CDH23: variants seen among roughly 807,000 people sequenced by gnomAD.
CDH23 encodes cadherin related 23.
In CDH23, 189 loss-of-function variants were observed where a neutral mutation model predicts 317.1. The observed-to-expected ratio is 0.60, with a 90% CI of 0.53 to 0.67. CDH23 has a LOEUF of 0.67. Ranked by LOEUF, CDH23 falls within the 30% of genes least tolerant of loss-of-function variation. The probability of loss-of-function intolerance (pLI) is 0.00; values close to 1 mark genes in which losing one functional copy is unlikely to be tolerated. For synonymous variants in CDH23, 1,839 were observed against 1,876.8 expected (o/e 0.98, Z 0.52); for missense variants, 4,401 against 4,592.4 (o/e 0.96, Z 1.20).
chr10:71,695,583 C>A (rs1383258834), intron 22 of CDH23, 58 bp downstream of exon 22: 2 of 1,226,370 alleles, frequency 1.6e-6, no homozygotes, highest in Non-Finnish European at 2.4e-6. Flanking sequence ...GTCTGTGCCC[C>A]TCCCACTGCG....
rs1400442793 is a variant in CDH23, at chr10:71,777,908, A to C, written c.5067+7A>C. On this transcript the variant is annotated splice_region_variant and intron_variant, in intron 39 of 69. Transcript: ENST00000224721. The stretch of plus-strand genomic sequence containing the variant: ...CCGCATCGACAGACACATGGTCAGC[A>C]GCTGATGGCAGGATCAAGACAAGGG... 1 of 1,613,704 alleles carries C rather than the reference A, an allele frequency of 6.2e-7. No homozygotes were observed. The highest frequency in any genetic ancestry group is 2.2e-5 in the East Asian group (1 of 44,874).
intron 3 of CDH23, among the ~76,000 whole-genome samples, chr10:71,458,588 C>A (rs1850813517): frequency 6.6e-6 from 1 of 152,196 alleles, no homozygotes; most frequent in Admixed American, 6.5e-5. Context: ...TTAAATGCTT[C>A]CTCTTCCAAG....
chr10:71,729,218 G>A (rs1866951163), intron 30 of CDH23, among the ~76,000 whole-genome samples: 1 of 152,226 alleles, frequency 6.6e-6, no homozygotes, highest in African/African-American at 2.4e-5. Flanking sequence ...GGTAAGCGGT[G>A]AGGAAAATGG....
rs550723107 is a variant in CDH23 at position 71,570,670 on chromosome 10, G to A, written c.625-120G>A. The A allele has an allele frequency of 3.4e-5, 37 of 1,086,786 alleles. No homozygotes were observed. In the Middle Eastern group the frequency reaches 7.4e-4, roughly 22 times the overall value. The allele number at this position is 1,086,786 out of a possible 1,614,324, so 67.3% of individuals were successfully genotyped here. A position where few individuals can be genotyped will look rare whatever the true frequency, so the allele number is the denominator to read the frequency against. On this transcript the variant is annotated intron_variant, in intron 7 of 69. Coordinates refer to ENST00000224721, the MANE Select transcript of CDH23 (RefSeq NM_022124.6). Reference sequence around the variant, plus strand: ...TGCAAGAGCATGGGTGTGTGTGTGCGTGTGCATGTGTTTGCACTTATGTGC... The same window carrying A: ...TGCAAGAGCATGGGTGTGTGTGTGCATGTGCATGTGTTTGCACTTATGTGC...
In CDH23 at chr10:71,734,359, G is replaced by A. The variant is rs1472539990; in HGVS notation, c.4206+18G>A. The A allele has an allele frequency of 6.3e-7, 1 of 1,593,604 alleles. No individual in the cohort carries two copies. The highest frequency in any genetic ancestry group is 8.6e-7 in the Non-Finnish European group (1 of 1,168,704). Reference sequence around the variant, plus strand: ...CCACCGTGGTGAGTGGGACCAGGGTGAGAGTCCCTCAGGTGCGGCCCATCG... The same window carrying A: ...CCACCGTGGTGAGTGGGACCAGGGTAAGAGTCCCTCAGGTGCGGCCCATCG... On this transcript the variant is annotated intron_variant, in intron 33 of 69. Coordinates refer to ENST00000224721, the MANE Select transcript of CDH23 (RefSeq NM_022124.6).
chr10:71,512,588 C>A (rs1228973090), intron 6 of CDH23, among the ~76,000 whole-genome samples: 2 of 152,250 alleles, frequency 1.3e-5, no homozygotes, highest in Non-Finnish European at 1.5e-5. Context: ...AGCTGCCATC[C>A]TGGCAGGCAT....
intron 1 of CDH23, among the ~76,000 whole-genome samples, chr10:71,403,225 T>C (rs576263769): frequency 1.3e-5 from 2 of 152,272 alleles, no homozygotes; most frequent in African/African-American, 4.8e-5. Flanking sequence ...GGCAACATTG[T>C]GTCCATGTTC....
chr10:71,415,007 A>T (rs1848478199), intron 1 of CDH23, among the ~76,000 whole-genome samples: 1 of 152,128 alleles, frequency 6.6e-6, no homozygotes, highest in African/African-American at 2.4e-5. Flanking sequence ...AATCTCCTTA[A>T]TTGTCCTCAT....
At chr10:71,548,919 A>G (rs1313133401) in intron 6 of CDH23, among the ~76,000 whole-genome samples, 1 of 152,246 alleles carries the variant, frequency 6.6e-6, no homozygotes, top group Non-Finnish European at 1.5e-5. Flanking sequence ...TGCAATCACC[A>G]TAACCGATAG....
intron 47 of CDH23, among the ~76,000 whole-genome samples, chr10:71,791,720 C>T (rs995147747): frequency 7.9e-5 from 12 of 151,802 alleles, no homozygotes; most frequent in African/African-American, 2.2e-4. Context: ...GGATTACAGG[C>T]GCCCACCACC....
At position 71,507,188 on chromosome 10, in the gene CDH23, T is replaced by C. The variant is rs539376395; in HGVS notation, c.146-2894T>C. ...GGGGCTGCAGGCTGCCATGGACTCATTGTTGCACCTGGACAAGCAAGGCGC... is the reference window on the plus strand; with the variant it reads ...GGGGCTGCAGGCTGCCATGGACTCACTGTTGCACCTGGACAAGCAAGGCGC... On this transcript the variant is annotated intron_variant, in intron 3 of 69. Coordinates refer to ENST00000224721, the MANE Select transcript of CDH23 (RefSeq NM_022124.6). 7.2e-5 allele frequency among the ~76,000 whole-genome samples: 11 copies of C among 152,210 alleles called. No individual in the cohort carries two copies. In the East Asian group the frequency reaches 9.7e-4, roughly 13 times the overall value.
At chr10:71,594,746 A>G (rs1464525208) in intron 9 of CDH23, among the ~76,000 whole-genome samples, 2 of 152,152 alleles carry the variant, frequency 1.3e-5, no homozygotes, top group East Asian at 3.8e-4. Flanking sequence ...AATATTCACT[A>G]TAGCCCTTTG....
chr10:71,584,037 C>A (rs1390051115), intron 9 of CDH23, among the ~76,000 whole-genome samples: 2 of 152,136 alleles, frequency 1.3e-5, no homozygotes, highest in African/African-American at 4.8e-5. Context: ...GAATCAGAAA[C>A]TCTGTGGGTG....
At chr10:71,406,436 G>T (rs1264699614) in intron 1 of CDH23, among the ~76,000 whole-genome samples, 3 of 152,170 alleles carry the variant, frequency 2.0e-5, no homozygotes, top group Non-Finnish European at 2.9e-5. Flanking sequence ...CATGCTGTCT[G>T]CACTTCTCCT....
chr10:71,540,827 G>A (rs368395364), intron 6 of CDH23, among the ~76,000 whole-genome samples: 27 of 152,094 alleles, frequency 1.8e-4, no homozygotes, highest in African/African-American at 2.4e-4. Flanking sequence ...TGACATAGCC[G>A]ATCAGGCTGG....
intron 6 of CDH23, among the ~76,000 whole-genome samples, chr10:71,543,719 C>G (rs1275958827): frequency 6.6e-6 from 1 of 152,224 alleles, no homozygotes; most frequent in African/African-American, 2.4e-5. Flanking sequence ...TACCTTCAGG[C>G]TCTATAGAGT....
intron 57 of CDH23, among the ~76,000 whole-genome samples, chr10:71,806,679 T>G (rs895426809): frequency 6.6e-6 from 1 of 151,474 alleles, no homozygotes; most frequent in African/African-American, 2.4e-5. Flanking sequence ...CGGGTTCAAG[T>G]GATTCTTCTG....
At chr10:71,646,046 G>A (rs1024456111) in intron 13 of CDH23, 66 bp downstream of exon 13, 3 of 1,563,456 alleles carry the variant, frequency 1.9e-6, no homozygotes, top group Non-Finnish European at 2.6e-6. Context: ...GGCGAGGGTA[G>A]GGTAGAAGAT....
intron 1 of CDH23, among the ~76,000 whole-genome samples, chr10:71,399,636 A>T (rs2131883930): frequency 6.6e-6 from 1 of 152,152 alleles, no homozygotes; most frequent in East Asian, 1.9e-4. Context: ...GCAGTGGTGA[A>T]CTCCTATAGT....
Sources: allele counts gnomAD v4.1 joint callset (sites outside exome capture counted in the v4.1 genomes callset), GRCh38; gene constraint gnomAD v4.1.1; transcripts MANE v1.5; gene names NCBI Gene and HGNC (gene_info 2026-07-23, HGNC 2026-07-21).